CELF1: variants seen among roughly 807,000 people sequenced by gnomAD.
The protein encoded by CELF1 is CUGBP Elav-like family member 1.
CELF1 carries 10 observed loss-of-function variants against 61.8 expected under a neutral mutation model. The observed-to-expected ratio is 0.16, with a 90% CI of 0.10 to 0.27. The LOEUF is 0.27. Among genes scored for constraint, CELF1 ranks in the 10% least tolerant of loss-of-function variants. The pLI, the probability that CELF1 is intolerant of heterozygous loss-of-function variation, is 1.00. For missense variants in CELF1, 380 were observed against 639.1 expected (o/e 0.59, Z 4.37); for synonymous variants, 236 against 225.1 (o/e 1.05, Z -0.43).
intron 1 of CELF1, among the ~76,000 whole-genome samples, chr11:47,508,685 C>T (rs999282062): frequency 1.3e-5 from 2 of 151,268 alleles, no homozygotes; most frequent in African/African-American, 4.9e-5. Context: ...AACACACACA[C>T]ACACACACAC....
At chr11:47,536,357 T>C (rs565079200) in intron 1 of CELF1, among the ~76,000 whole-genome samples, 15 of 152,134 alleles carry the variant, frequency 9.9e-5, no homozygotes, top group East Asian at 5.8e-4. Context: ...CAAGGCGAGA[T>C]TGTCATAAAT....
chr11:47,491,078 T>A (rs1222029295), intron 3 of CELF1, among the ~76,000 whole-genome samples: 3 of 151,944 alleles, frequency 2.0e-5, no homozygotes, highest in Admixed American at 6.6e-5. Context: ...GCCAGGCTGG[T>A]CACAAACTCC....
chr11:47,486,422 T>C (rs931016964), intron 6 of CELF1, among the ~76,000 whole-genome samples: 14 of 151,962 alleles, frequency 9.2e-5, no homozygotes, highest in Non-Finnish European at 1.5e-5. Context: ...AATCTTTTTT[T>C]TTTTTGAGAC....
intron 1 of CELF1, among the ~76,000 whole-genome samples, chr11:47,547,190 C>A (rs1379915516): frequency 6.6e-6 from 1 of 150,950 alleles, no homozygotes; most frequent in African/African-American, 2.4e-5. Flanking sequence ...TCGTTATAGA[C>A]CACTTTATAC....
chr11:47,565,443 G>A, exon 1 of CELF1: 1 of 478,646 alleles, frequency 2.1e-6, no homozygotes. Context: ...CGAGGCCGCC[G>A]GGCCCTCCTC....
intron 1 of CELF1, among the ~76,000 whole-genome samples, chr11:47,543,404 G>A (rs61895113): frequency 0.11 from 16,163 of 152,044 alleles, 986 homozygotes; most frequent in Non-Finnish European, 0.14. Context: ...ACCTTGTCTC[G>A]GAAAACAACA....
rs1459350646 is a variant in CELF1, at chr11:47,497,558, G to A, written c.71+1895C>T. Among the ~76,000 whole-genome samples, 7 of 152,198 alleles carry A rather than the reference G, an allele frequency of 4.6e-5. No individual in the cohort carries two copies. The South Asian group carries it at 1.2e-3, about 27-fold the overall frequency. ...GTTTAAAATCGGGGCAATGGCCTACGCCCAGGCACCCTTGCAAAGTTTTGG... is the reference window on the plus strand; with the variant it reads ...GTTTAAAATCGGGGCAATGGCCTACACCCAGGCACCCTTGCAAAGTTTTGG... On this transcript the variant is annotated intron_variant, in intron 3 of 14. Coordinates refer to ENST00000687097, the MANE Select transcript of CELF1 (RefSeq NM_001376376.1).
At chr11:47,477,200 A>G (rs1268990357) in intron 11 of CELF1, 97 bp downstream of exon 11, 1 of 1,351,248 alleles carries the variant, frequency 7.4e-7, no homozygotes, top group Non-Finnish European at 1.0e-6. Context: ...CTCTCTGGAA[A>G]CAGGTGTTAA....
Position 47,466,763 on chromosome 11 carries a change from A to G in CELF1, c.*5467T>C, listed in dbSNP as rs2153323095. On this transcript the variant is annotated 3_prime_UTR_variant, in exon 15 of 15. Coordinates refer to ENST00000687097, the MANE Select transcript of CELF1 (RefSeq NM_001376376.1). ...TCCCAGAGCTCCTCTTGGAATTGAAAGCAAAATATATTGGCAAACACTGCT... is the reference window on the plus strand; with the variant it reads ...TCCCAGAGCTCCTCTTGGAATTGAAGGCAAAATATATTGGCAAACACTGCT... 6.6e-6 allele frequency: 1 copy of G among 152,326 alleles called. No individual in the cohort carries two copies. The highest frequency in any genetic ancestry group is 2.1e-4 in the South Asian group (1 of 4,832). The allele number at this position is 152,326 out of a possible 1,614,324, so 9.4% of individuals were successfully genotyped here.
intron 2 of CELF1, among the ~76,000 whole-genome samples, chr11:47,500,097 A>G (rs897651503): frequency 3.3e-5 from 5 of 152,236 alleles, no homozygotes; most frequent in African/African-American, 1.2e-4. Flanking sequence ...AAGAGGAATG[A>G]TAAGACCATC....
intron 1 of CELF1, among the ~76,000 whole-genome samples, chr11:47,541,721 A>G (rs1448191720): frequency 9.4e-5 from 2 of 21,250 alleles, no homozygotes; most frequent in African/African-American, 2.9e-4. Flanking sequence ...AAAGAAAGAA[A>G]GAAAGAACGA....
chr11:47,557,343 C>A (rs905028353), upstream of CELF1, among the ~76,000 whole-genome samples: 1 of 149,918 alleles, frequency 6.7e-6, no homozygotes, highest in Non-Finnish European at 1.5e-5. Context: ...CTCAGCCTCC[C>A]GGGTAGCTGG....
At position 47,481,099 on chromosome 11, in the gene CELF1, C is replaced by CT. The variant is rs2082887179; in HGVS notation, c.768+1595dup. 7.4e-3 allele frequency among the ~76,000 whole-genome samples: 463 copies of CT among 62,236 alleles called. 14 individuals carry two copies. Among genetic ancestry groups the CT allele is most frequent in the Middle Eastern group, 0.014 (1 of 72 alleles). The allele number at this position is 62,236 out of a possible 152,430, so 40.8% of individuals were successfully genotyped here. On this transcript the variant is annotated intron_variant, in intron 9 of 14. Coordinates refer to ENST00000687097, the MANE Select transcript of CELF1 (RefSeq NM_001376376.1). ...AACTGGGGTTTTTTTTTTTTTTCTT[C>CT]TTCTTTTTTTTTTTTTTTTTTTTTT... is the stretch of plus-strand genomic sequence containing the variant.
chr11:47,494,815 C>T (rs892022848), intron 3 of CELF1, among the ~76,000 whole-genome samples: 10 of 152,224 alleles, frequency 6.6e-5, no homozygotes, highest in African/African-American at 2.4e-4. Flanking sequence ...CCACTAGCCA[C>T]AAGTGGCTAT....
At chr11:47,553,539 A>G (rs1490298102), upstream of CELF1, among the ~76,000 whole-genome samples, 1 of 152,210 alleles carries the variant, frequency 6.6e-6, no homozygotes, top group African/African-American at 2.4e-5. Context: ...TATTTGTTGA[A>G]TAAATGGATG....
chr11:47,543,134 T>C (rs1390916027), intron 1 of CELF1, among the ~76,000 whole-genome samples: 6 of 147,670 alleles, frequency 4.1e-5, no homozygotes, highest in Admixed American at 4.0e-4. Flanking sequence ...GCCAGCATGG[T>C]AGCTCATGCC....
At chr11:47,525,500 T>C (rs555834547) in intron 1 of CELF1, among the ~76,000 whole-genome samples, 2 of 152,296 alleles carry the variant, frequency 1.3e-5, no homozygotes, top group African/African-American at 4.8e-5. Flanking sequence ...CTTATAGAGA[T>C]GGGGTTTCAC....
intron 1 of CELF1, among the ~76,000 whole-genome samples, chr11:47,539,585 T>C (rs575903747): frequency 6.6e-6 from 1 of 152,362 alleles, no homozygotes; most frequent in South Asian, 2.1e-4. Flanking sequence ...AAGATGATTC[T>C]AAATTTCAAA....
At chr11:47,476,707 T>G (rs2080355483) in intron 12 of CELF1, 139 bp downstream of exon 12, 2 of 673,998 alleles carry the variant, frequency 3.0e-6, no homozygotes, top group Non-Finnish European at 5.2e-6. Flanking sequence ...ATTAGAGGTG[T>G]GAGCCACCAC....
Sources: allele counts gnomAD v4.1 joint callset (sites outside exome capture counted in the v4.1 genomes callset), GRCh38; gene constraint gnomAD v4.1.1; transcripts MANE v1.5; gene names NCBI Gene and HGNC (gene_info 2026-07-23, HGNC 2026-07-21).